Variants in COP1 observed in about 807,000 individuals in gnomAD.
The protein encoded by COP1 is E3 ubiquitin-protein ligase COP1.
In COP1, 24 loss-of-function variants were observed where a neutral mutation model predicts 101.3. The ratio of observed to expected loss-of-function variants is 0.24; its 90% CI spans 0.17 to 0.33. The LOEUF (loss-of-function observed/expected upper bound fraction) is 0.33. Among genes scored for constraint, COP1 ranks in the 10% least tolerant of loss-of-function variants. The pLI is 1.00. For synonymous variants in COP1, 347 were observed against 341.9 expected, an observed-to-expected ratio of 1.01 and a Z score of -0.17; for missense variants, 663 against 906.2, an observed-to-expected ratio of 0.73 and a Z score of 3.45.
At chr1:176,009,111 C>T (rs1448829093) in intron 15 of COP1, among the ~76,000 whole-genome samples, 1 of 152,180 alleles carries the variant, frequency 6.6e-6, no homozygotes, top group East Asian at 1.9e-4. Context: ...AGGTACACGT[C>T]AGAGCTTCTT....
At chr1:175,947,285 G>C (rs2148475601) in intron 18 of COP1, 46 bp from the exon 19 acceptor site, 1 of 1,294,296 alleles carries the variant, frequency 7.7e-7, no homozygotes. Context: ...GGATTTCCTG[G>C]AGAGCAATCC....
intron 9 of COP1, among the ~76,000 whole-genome samples, chr1:176,089,057 C>A (rs968174798): frequency 6.7e-6 from 1 of 150,262 alleles, no homozygotes; most frequent in East Asian, 2.0e-4. Flanking sequence ...AATCCCAGCA[C>A]TTTGGGAGGC....
chr1:176,089,185 T>A (rs1680807674), intron 9 of COP1, among the ~76,000 whole-genome samples: 1 of 150,950 alleles, frequency 6.6e-6, no homozygotes, highest in Non-Finnish European at 1.5e-5. Context: ...CCCAGCTACT[T>A]GGGAGGCTGG....
At chr1:176,192,857 T>TA (rs150020592) in intron 1 of COP1, among the ~76,000 whole-genome samples, 9,984 of 152,276 alleles carry the variant, frequency 0.066, 450 homozygotes, top group Admixed American at 0.087. Context: ...CTTGTATCCC[T>TA]ACTTTGATTT....
intron 11 of COP1, among the ~76,000 whole-genome samples, chr1:176,050,529 T>C (rs1672359481): frequency 6.6e-6 from 1 of 152,204 alleles, no homozygotes; most frequent in South Asian, 2.1e-4. Context: ...TTCTCATTCA[T>C]TACCATGATA....
At chr1:176,187,905 GT>G (rs1216084999) in intron 1 of COP1, among the ~76,000 whole-genome samples, 1 of 152,088 alleles carries the variant, frequency 6.6e-6, no homozygotes, top group African/African-American at 2.4e-5. Flanking sequence ...CCAAGGTGGT[GT>G]TAAAACATGG....
intron 3 of COP1, among the ~76,000 whole-genome samples, chr1:176,174,007 A>AAAAAAAAAAAAAAAAT (rs1456552067): frequency 8.2e-6 from 1 of 121,932 alleles, no homozygotes; most frequent in Non-Finnish European, 1.8e-5. Context: ...AAAAAAAAAA[A>AAAAAAAAAAAAAAAAT]AGAGAATATA....
At chr1:176,102,863 G>A (rs772016070) in intron 9 of COP1, among the ~76,000 whole-genome samples, 18 of 152,120 alleles carry the variant, frequency 1.2e-4, no homozygotes, top group Non-Finnish European at 2.2e-4. Flanking sequence ...CCTGGCCCAG[G>A]AATTGACTCA....
At chr1:176,083,535 G>A (rs1679573094) in intron 10 of COP1, among the ~76,000 whole-genome samples, 1 of 152,126 alleles carries the variant, frequency 6.6e-6, no homozygotes, top group African/African-American at 2.4e-5. Context: ...CATATCTGCT[G>A]GTATATCACC....
intron 15 of COP1, among the ~76,000 whole-genome samples, chr1:175,994,962 A>C (rs1292667483): frequency 6.6e-6 from 1 of 152,162 alleles, no homozygotes; most frequent in Non-Finnish European, 1.5e-5. Flanking sequence ...GCACCACACA[A>C]CACCTATTCC....
In COP1 at chr1:176,085,773, T is replaced by A; in HGVS notation, c.1141+3A>T. On this transcript the variant is annotated splice_donor_region_variant and intron_variant, in intron 10 of 19. Transcript: ENST00000367669. Reference sequence around the variant, plus strand: ...GATAATTTGAGAAGGTCTAAATATATACCTGAGATACGAGACATCCTTGTA... The same window carrying A: ...GATAATTTGAGAAGGTCTAAATATAAACCTGAGATACGAGACATCCTTGTA... 6.6e-7 allele frequency: 1 copy of A among 1,515,528 alleles called. No individual in the cohort carries two copies. The highest frequency in any genetic ancestry group is 2.3e-5 in the East Asian group (1 of 44,124). 93.9% of individuals were successfully genotyped at this position (1,515,528 alleles called of 1,614,324 possible). A position where few individuals can be genotyped will look rare whatever the true frequency, so the allele number is the denominator to read the frequency against.
At chr1:176,075,126 T>C (rs991007419) in intron 11 of COP1, among the ~76,000 whole-genome samples, 2 of 152,206 alleles carry the variant, frequency 1.3e-5, no homozygotes, top group South Asian at 2.1e-4. Flanking sequence ...TGGCCTAGCC[T>C]GCACTACGTT....
chr1:176,079,916 GGGAAGCTGAGGCATGA>G (rs1678785717), intron 11 of COP1, among the ~76,000 whole-genome samples: 1 of 151,942 alleles, frequency 6.6e-6, no homozygotes, highest in East Asian at 1.9e-4. Context: ...CCAGCTACTC[GGGAAGCTGAGGCATGA>G]GGACTGCATG....
At chr1:175,948,132 G>T (rs555099375) in intron 18 of COP1, among the ~76,000 whole-genome samples, 7 of 152,338 alleles carry the variant, frequency 4.6e-5, no homozygotes, top group African/African-American at 1.7e-4. Flanking sequence ...TATATGTGGT[G>T]AAGTATTTTT....
At chr1:175,996,375 A>G (rs1222400643) in intron 15 of COP1, among the ~76,000 whole-genome samples, 4 of 152,228 alleles carry the variant, frequency 2.6e-5, no homozygotes, top group Non-Finnish European at 5.9e-5. Context: ...CCTCTTCAAC[A>G]TAGTGTTGGA....
At chr1:176,168,419 C>T (rs659279) in intron 3 of COP1, among the ~76,000 whole-genome samples, 38,392 of 123,318 alleles carry the variant, frequency 0.31, 6,258 homozygotes, top group East Asian at 0.54. Flanking sequence ...GGGGGGAGTA[C>T]GGGGGAAAGG....
intron 18 of COP1, among the ~76,000 whole-genome samples, chr1:175,965,032 C>T (rs557318921): frequency 4.9e-5 from 4 of 82,394 alleles, no homozygotes; most frequent in Non-Finnish European, 1.3e-4. Flanking sequence ...AAAGACCATA[C>T]CTGCCTTAAG....
intron 5 of COP1, among the ~76,000 whole-genome samples, chr1:176,150,854 T>C (rs982465290): frequency 6.6e-6 from 1 of 152,158 alleles, no homozygotes; most frequent in African/African-American, 2.4e-5. Context: ...ATTCACCACA[T>C]GACACCTTCT....
intron 1 of COP1, among the ~76,000 whole-genome samples, chr1:176,199,924 A>G (rs571823771): frequency 1.3e-5 from 2 of 152,338 alleles, no homozygotes; most frequent in African/African-American, 4.8e-5. Flanking sequence ...GCAAATTATA[A>G]CTTAGTAAAG....
Sources: gnomAD v4.1 joint callset for allele counts (sites outside exome capture counted in the v4.1 genomes callset) on GRCh38, gnomAD v4.1.1 for gene constraint, MANE v1.5 for transcripts, NCBI Gene and HGNC (gene_info 2026-07-23, HGNC 2026-07-21) for gene names.